Variants in PRPS2 observed in about 807,000 individuals in gnomAD.
PRPS2 encodes the protein phosphoribosyl pyrophosphate synthetase 2, also known as ribose-phosphate pyrophosphokinase 2.
For missense variants in PRPS2, 104 were observed against 271.5 expected (o/e 0.38, Z 4.34); for synonymous variants, 111 against 115.3 (o/e 0.96, Z 0.24).
intron 1 of PRPS2, among the ~76,000 whole-genome samples, chrX:12,797,665 T>C (rs2042551099): frequency 8.9e-6 from 1 of 112,042 alleles, no homozygotes; most frequent in South Asian, 3.7e-4. Context: ...ATTTGCCTTT[T>C]CAAAACATAG....
chrX:12,819,488 T>A lies in PRPS2; in HGVS notation c.531-19T>A. On this transcript the variant is annotated intron_variant, in intron 4 of 6. Transcript: ENST00000380668. ...TCTCTAGTTGACTGTATGAACATGTTCATTTGTGCCTTTGCCAGGGTTACA... is the reference window on the plus strand; with the variant it reads ...TCTCTAGTTGACTGTATGAACATGTACATTTGTGCCTTTGCCAGGGTTACA... 8.3e-6 allele frequency: 10 copies of A among 1,201,064 alleles called. No individual in the cohort carries two copies. The highest frequency in any genetic ancestry group is 1.0e-5 in the Non-Finnish European group (9 of 888,522).
chrX:12,811,816 C>A (rs1178150737), intron 4 of PRPS2, among the ~76,000 whole-genome samples: 1 of 112,133 alleles, frequency 8.9e-6, no homozygotes, highest in African/African-American at 3.2e-5. Flanking sequence ...CTTAGAAGAG[C>A]CTTGTTCATT....
intron 2 of PRPS2, among the ~76,000 whole-genome samples, chrX:12,807,833 C>G (rs372121254): frequency 2.6e-4 from 27 of 103,832 alleles, no homozygotes; most frequent in African/African-American, 9.1e-4. Flanking sequence ...TCCTCTCATT[C>G]TTTTCTTTCT....
rs144103606 is a variant in PRPS2, at chrX:12,816,919, A to G, written c.531-2588A>G. On this transcript the variant is annotated intron_variant, in intron 4 of 6. Transcript: ENST00000380668. ...CCTAGCCTGAGAGTTATTTTCTCAT[A>G]TCACATTGAAGATATGACTCCATAA... 8.4e-3 allele frequency among the ~76,000 whole-genome samples: 940 copies of G among 111,765 alleles called. 11 individuals are homozygous for G. Among genetic ancestry groups the G allele is most frequent in the African/African-American group, 0.028 (867 of 30,758 alleles).
intron 1 of PRPS2, among the ~76,000 whole-genome samples, chrX:12,791,886 G>A (rs1173612545): frequency 3.6e-5 from 4 of 112,584 alleles, no homozygotes; most frequent in African/African-American, 1.3e-4. Flanking sequence ...CGGCGGTCCC[G>A]AGCCGCTCCC....
chrX:12,819,892 G>C (rs2042667508), intron 5 of PRPS2, among the ~76,000 whole-genome samples: 2 of 112,543 alleles, frequency 1.8e-5, no homozygotes. Flanking sequence ...TGAGCTTGTA[G>C]TGTACCTGGA....
At chrX:12,810,216 A>T in intron 4 of PRPS2, 70 bp downstream of exon 4, 2 of 1,160,601 alleles carry the variant, frequency 1.7e-6, no homozygotes, top group Non-Finnish European at 2.3e-6. Flanking sequence ...GATGTATTAG[A>T]TAAGGAAGCA....
intron 2 of PRPS2, among the ~76,000 whole-genome samples, chrX:12,802,493 A>G (rs1356319500): frequency 1.8e-5 from 2 of 111,274 alleles, no homozygotes; most frequent in African/African-American, 6.5e-5. Flanking sequence ...ATGCGCCACG[A>G]CGCCTGGCTA....
At chrX:12,809,941 GAAAGCGATTATCGTTTAAA>G (rs1160625204) in intron 3 of PRPS2, 62 bp from the exon 4 acceptor site, 2 of 1,063,087 alleles carry the variant, frequency 1.9e-6, no homozygotes, top group East Asian at 6.7e-5. Context: ...GTTATTTAAT[GAAAGCGATTATCGTTTAAA>G]AAAACAAAAG....
In PRPS2 at chrX:12,819,528, G is replaced by A. The variant is rs749252954; in HGVS notation, c.552G>A (p.Arg184=). ...CCAGGGTTACATCAATTGCAGACAG[G>A]TTGAATGTGGAATTTGCTTTGATCC... is the stretch of plus-strand genomic sequence containing the variant. ...GAKRVTSIAD[R]LNVEFALIHK... The change falls in exon 5 of 7, where the codon AGG becomes AGA. Residue 184 remains arginine, a synonymous_variant. Coordinates refer to ENST00000380668, the MANE Select transcript of PRPS2 (RefSeq NM_002765.5). 51 of 1,208,224 alleles carry A rather than the reference G, an allele frequency of 4.2e-5. No homozygotes were observed. Among genetic ancestry groups the A allele is most frequent in the Non-Finnish European group, 5.5e-5 (49 of 894,005 alleles).
intron 4 of PRPS2, among the ~76,000 whole-genome samples, chrX:12,817,889 G>A (rs2042656392): frequency 9.0e-6 from 1 of 111,243 alleles, no homozygotes; most frequent in African/African-American, 3.3e-5. Context: ...GGGCCTGGGG[G>A]GAGGGGAGAA....
chrX:12,809,013 C>A (rs953268095), intron 2 of PRPS2, among the ~76,000 whole-genome samples: 1 of 112,140 alleles, frequency 8.9e-6, no homozygotes, highest in Non-Finnish European at 1.9e-5. Context: ...GTTCTCTATA[C>A]CCAGCGTCAA....
intron 2 of PRPS2, among the ~76,000 whole-genome samples, chrX:12,804,168 G>T (rs934578800): frequency 3.7e-5 from 4 of 108,808 alleles, no homozygotes; most frequent in African/African-American, 1.3e-4. Context: ...TTAAGACAGA[G>T]TCTCGCTCTG....
intron 4 of PRPS2, among the ~76,000 whole-genome samples, chrX:12,815,705 G>A (rs1308159560): frequency 1.8e-5 from 2 of 111,505 alleles, no homozygotes; most frequent in African/African-American, 3.3e-5. Flanking sequence ...GTGCAATGGC[G>A]TGATCTTGGC....
rs375292104 is a variant in PRPS2 at position 12,795,824 on chromosome X, T to C, written c.123-3383T>C. ...CATTTAAACCATAGCAATTTCCAAA[T>C]TAAGTTTATGTCATAGTTGATGTAG... is the stretch of plus-strand genomic sequence containing the variant. On this transcript the variant is annotated intron_variant, in intron 1 of 6. Coordinates refer to ENST00000380668, the MANE Select transcript of PRPS2 (RefSeq NM_002765.5). Among the ~76,000 whole-genome samples the C allele has an allele frequency of 1.4e-4, 16 of 111,791 alleles. 3 individuals carry two copies. The highest frequency in any genetic ancestry group is 1.1e-3 in the East Asian group (4 of 3,591).
intron 1 of PRPS2, among the ~76,000 whole-genome samples, chrX:12,796,432 G>A (rs1437236705): frequency 9.1e-6 from 1 of 110,192 alleles, no homozygotes; most frequent in African/African-American, 3.3e-5. Context: ...TGTTAGGCTG[G>A]TCTAGAACTC....
intron 2 of PRPS2, 126 bp downstream of exon 2, chrX:12,799,516 TG>T (rs1329497770): frequency 1.3e-6 from 1 of 760,737 alleles, no homozygotes; most frequent in Non-Finnish European, 1.9e-6. Context: ...CAAGTAAATA[TG>T]CTTTCTTATT....
chrX:12,820,780 A>G lies in PRPS2; in HGVS notation c.841A>G (p.Met281Val), dbSNP rs192752119. The G allele has an allele frequency of 1.7e-5, 20 of 1,209,197 alleles. No individual in the cohort carries two copies. The highest frequency in any genetic ancestry group is 2.2e-5 in the Non-Finnish European group (20 of 895,155). ...VTNTIPQEDK[M>V]KHCTKIQVID... The stretch of plus-strand genomic sequence containing the variant: ...AAACACAATTCCGCAAGAGGACAAA[A>G]TGAAACACTGCACCAAGATTCAGGT... Residue 281 changes from methionine (M) to valine (V), a missense_variant, in exon 6 of 7, where the codon ATG becomes GTG. Coordinates refer to ENST00000380668, the MANE Select transcript of PRPS2 (RefSeq NM_002765.5).
chrX:12,805,135 C>A (rs2042587435), intron 2 of PRPS2, among the ~76,000 whole-genome samples: 1 of 111,865 alleles, frequency 8.9e-6, no homozygotes, highest in Non-Finnish European at 1.9e-5. Flanking sequence ...GGAATGGTTT[C>A]ATAAATTAGG....
Sources: allele counts gnomAD v4.1 joint callset (sites outside exome capture counted in the v4.1 genomes callset), GRCh38; gene constraint gnomAD v4.1.1; transcripts MANE v1.5; gene names NCBI Gene and HGNC (gene_info 2026-07-23, HGNC 2026-07-21).